MYO7A: variants seen among roughly 807,000 people sequenced by gnomAD.
The protein encoded by MYO7A is myosin VIIA, also known as unconventional myosin-VIIa.
MYO7A carries 210 observed loss-of-function variants against 263.8 expected under a neutral mutation model. That is an observed-to-expected ratio of 0.80 (90% confidence interval 0.71 to 0.89). The LOEUF is 0.89. Among genes scored for constraint, MYO7A ranks in the 40% least tolerant of loss-of-function variants. MYO7A has a pLI of 0.00. For missense variants in MYO7A, 2,820 were observed against 2,968.3 expected (o/e 0.95, Z 1.16); for synonymous variants, 1,239 against 1,197.3 (o/e 1.03, Z -0.72).
intron 33 of MYO7A, among the ~76,000 whole-genome samples, chr11:77,197,823 CCCCCG>C (rs1364860086): frequency 6.7e-6 from 1 of 149,150 alleles, no homozygotes; most frequent in African/African-American, 2.6e-5. Context: ...GAGCCAGGGG[CCCCCG>C]TCAGTGGACC....
intron 46 of MYO7A, chr11:77,212,683 A>G: frequency 1.9e-6 from 1 of 531,264 alleles, no homozygotes; most frequent in South Asian, 2.3e-5. Flanking sequence ...AGGCAGGTGC[A>G]GGGTCCAGGA....
At chr11:77,143,944 A>G (rs533323401) in intron 3 of MYO7A, among the ~76,000 whole-genome samples, 32 of 152,144 alleles carry the variant, frequency 2.1e-4, no homozygotes, top group Admixed American at 3.3e-4. Flanking sequence ...AGAGTTTGCA[A>G]GACCCTTTAA....
Position 77,214,183 on chromosome 11 carries a change from C to T in MYO7A, c.6558+204C>T, listed in dbSNP as rs575605505. Among the ~76,000 whole-genome samples the T allele has an allele frequency of 7.3e-4, 111 of 152,342 alleles. 3 individuals carry two copies. In the South Asian group the frequency reaches 0.022, roughly 31 times the overall value. ...TAATCTGGGGCTGAGGAACAGATCCCTCGTTCAACAACTGTTGTCTGAGTG... is the reference window on the plus strand; with the variant it reads ...TAATCTGGGGCTGAGGAACAGATCCTTCGTTCAACAACTGTTGTCTGAGTG... On this transcript the variant is annotated intron_variant, in intron 48 of 48. Coordinates refer to ENST00000409709, the MANE Select transcript of MYO7A (RefSeq NM_000260.4).
In MYO7A at chr11:77,213,944, G is replaced by C; in HGVS notation, c.6523G>C (p.Val2175Leu). ...CTTCCACATCACCATTGGGAACTTG[G>C]TGCGCGGGAGCAAACTGCTCTGCGA... ...TYFHITIGNL[V>L]RGSKLLCETS... Residue 2175 changes from valine to leucine, a missense_variant, in exon 48 of 49, where the codon GTG (valine) becomes CTG (leucine). Physicochemically the swap from Val to Leu is conservative, Grantham distance 32 (BLOSUM62 1). Coordinates refer to ENST00000409709, the MANE Select transcript of MYO7A (RefSeq NM_000260.4). 2 of 1,614,066 alleles carry C rather than the reference G, an allele frequency of 1.2e-6. No homozygotes were observed. The highest frequency in any genetic ancestry group is 1.7e-6 in the Non-Finnish European group (2 of 1,179,908).
chr11:77,166,232 C>T, intron 15 of MYO7A, 70 bp downstream of exon 15: 3 of 1,339,790 alleles, frequency 2.2e-6, no homozygotes, highest in Non-Finnish European at 1.1e-6. Context: ...AAGCCCTGCC[C>T]TTGTCCAACA....
rs951932935 is a variant in MYO7A at position 77,171,987 on chromosome 11, G to A, written c.1798-761G>A. Among the ~76,000 whole-genome samples the A allele has an allele frequency of 2.0e-5, 3 of 152,012 alleles. No homozygotes were observed. In the South Asian group the frequency reaches 6.2e-4, roughly 31 times the overall value. ...CCTGGCTGCGTCGGAGCCACAGTGC[G>A]GGGGGTTAGGAGGAGGCTGCTTGTG... is the stretch of plus-strand genomic sequence containing the variant. On this transcript the variant is annotated intron_variant, in intron 15 of 48. Coordinates refer to ENST00000409709, the MANE Select transcript of MYO7A (RefSeq NM_000260.4).
intron 44 of MYO7A, 82 bp downstream of exon 44, chr11:77,208,885 C>T: frequency 1.7e-6 from 2 of 1,194,098 alleles, no homozygotes; most frequent in Non-Finnish European, 2.4e-6. Context: ...ACCCACTGAC[C>T]TTGCCAGGTG....
rs1956305136 is a variant in MYO7A at position 77,193,093 on chromosome 11, TGGAG to T, written c.4152+817_4152+820del. On this transcript the variant is annotated intron_variant, in intron 31 of 48. Transcript: ENST00000409709. ...TGGTGGAGGTAGTTGTTTGTGATGG[TGGAG>T]GTAGTGATGCTGTTGGTGATGGTGG... Among the ~76,000 whole-genome samples, 2 of 64,934 alleles carry T rather than the reference TGGAG, an allele frequency of 3.1e-5. 1 individual carries two copies. The highest frequency in any genetic ancestry group is 6.3e-5 in the Non-Finnish European group (2 of 31,664). 42.6% of individuals were successfully genotyped at this position (64,934 alleles called of 152,430 possible).
At chr11:77,170,849 A>G (rs1008208898) in intron 15 of MYO7A, among the ~76,000 whole-genome samples, 16 of 152,086 alleles carry the variant, frequency 1.1e-4, no homozygotes, top group African/African-American at 3.6e-4. Context: ...GGTTCTGGAG[A>G]TATTTTGAAA....
intron 16 of MYO7A, 145 bp downstream of exon 16, chr11:77,173,030 G>A: frequency 2.4e-6 from 3 of 1,257,368 alleles, no homozygotes; most frequent in South Asian, 1.6e-5. Flanking sequence ...TACAAAACAA[G>A]GCCCCCTATT....
At chr11:77,137,773 C>T (rs1330613153) in intron 2 of MYO7A, among the ~76,000 whole-genome samples, 1 of 152,074 alleles carries the variant, frequency 6.6e-6, no homozygotes, top group Non-Finnish European at 1.5e-5. Flanking sequence ...ACGTGGGCTG[C>T]TATTTGACCT....
At chr11:77,151,121 C>T (rs113851466) in intron 4 of MYO7A, among the ~76,000 whole-genome samples, 1 of 152,210 alleles carries the variant, frequency 6.6e-6, no homozygotes, top group Non-Finnish European at 1.5e-5. Context: ...CACACATCAG[C>T]CCCAGCCACT....
In MYO7A at chr11:77,189,479, G is replaced by C. The variant is rs782511701; in HGVS notation, c.3630+9G>C. ...CCGAGAAGTTTGTCAAGGTAGGAAGGTGCCTGGCCTCCTGGAGTGGGAAGG... is the reference window on the plus strand; with the variant it reads ...CCGAGAAGTTTGTCAAGGTAGGAAGCTGCCTGGCCTCCTGGAGTGGGAAGG... On this transcript the variant is annotated intron_variant, in intron 28 of 48. Coordinates refer to ENST00000409709, the MANE Select transcript of MYO7A (RefSeq NM_000260.4). The C allele has an allele frequency of 6.2e-7, 1 of 1,613,654 alleles. No homozygotes were observed. Among genetic ancestry groups the C allele is most frequent in the Admixed American group, 1.7e-5 (1 of 59,996 alleles).
intron 3 of MYO7A, among the ~76,000 whole-genome samples, chr11:77,147,392 T>C (rs1465038010): frequency 6.7e-6 from 1 of 148,400 alleles, no homozygotes; most frequent in Non-Finnish European, 1.5e-5. Context: ...GAAATCACTT[T>C]TTAATGTTTT....
At position 77,211,159 on chromosome 11, in the gene MYO7A, C is replaced by T. The variant is rs1188691023; in HGVS notation, c.6059C>T (p.Pro2020Leu). The change falls in exon 45 of 49, where the codon CCC (proline) becomes CTC (leucine). Residue 2020 changes from proline (P) to leucine (L), a missense_variant. Coordinates refer to ENST00000409709, the MANE Select transcript of MYO7A (RefSeq NM_000260.4). The stretch of plus-strand genomic sequence containing the variant: ...CTGCTCTGTCTCTGACAGGAGTTGC[C>T]CAAGTATCTCCGAGGCTACCACAAG... ...DSIFHYYQEL[P>L]KYLRGYHKCT... The T allele has an allele frequency of 6.3e-7, 1 of 1,576,460 alleles. No homozygotes were observed. Among genetic ancestry groups the T allele is most frequent in the Non-Finnish European group, 8.6e-7 (1 of 1,160,404 alleles).
chr11:77,131,585 G>A (rs782084509), intron 2 of MYO7A, among the ~76,000 whole-genome samples: 3 of 152,192 alleles, frequency 2.0e-5, no homozygotes, highest in South Asian at 4.1e-4. Flanking sequence ...AAGTCCATTC[G>A]CTGAGTGTTT....
At chr11:77,174,404 G>T (rs782687811) in intron 16 of MYO7A, among the ~76,000 whole-genome samples, 1 of 152,090 alleles carries the variant, frequency 6.6e-6, no homozygotes, top group African/African-American at 2.4e-5. Flanking sequence ...GCGCTTTCAG[G>T]CTTCCAAACC....
chr11:77,212,278 G>C (rs1281008828), intron 46 of MYO7A: 1 of 447,820 alleles, frequency 2.2e-6, no homozygotes, highest in Admixed American at 2.5e-5. Flanking sequence ...TAGAGGAGGT[G>C]ATATCTGAGC....
intron 18 of MYO7A, among the ~76,000 whole-genome samples, chr11:77,176,220 C>A (rs1250197497): frequency 6.6e-6 from 1 of 152,220 alleles, no homozygotes; most frequent in Non-Finnish European, 1.5e-5. Context: ...AGGGAGCCTG[C>A]GGCCTCTTCT....
Sources: gnomAD v4.1 joint callset for allele counts (sites outside exome capture counted in the v4.1 genomes callset) on GRCh38, gnomAD v4.1.1 for gene constraint, MANE v1.5 for transcripts, NCBI Gene and HGNC (gene_info 2026-07-23, HGNC 2026-07-21) for gene names.